The following GSS variants were observed in gnomAD, a reference collection of about 807,000 sequenced individuals.
The protein encoded by GSS is GSH synthetase.
In GSS, 34 loss-of-function variants were observed where a neutral mutation model predicts 60.4. The ratio of observed to expected loss-of-function variants is 0.56; its 90% CI spans 0.43 to 0.75. GSS has a LOEUF of 0.75. GSS is among the 30% of genes least tolerant of loss of function. GSS has a pLI of 0.00. For synonymous variants in GSS, 224 were observed against 239.0 expected, an observed-to-expected ratio of 0.94 and a Z score of 0.58; for missense variants, 499 against 595.1, an observed-to-expected ratio of 0.84 and a Z score of 1.68.
Position 34,951,714 on chromosome 20 carries a change from A to C in GSS, c.129+10T>G, listed in dbSNP as rs1356493998. On this transcript the variant is annotated intron_variant, in intron 2 of 12. Transcript: ENST00000651619. ...ATGGTGAATGCTGTGGGGAGGAGCT[A>C]GGGGCTTACCTCCGAGGAAGTGGGC... 1 of 1,599,654 alleles carries C rather than the reference A, an allele frequency of 6.3e-7. No homozygotes were observed. Among genetic ancestry groups the C allele is most frequent in the Admixed American group, 1.7e-5 (1 of 58,132 alleles).
Position 34,942,598 on chromosome 20 carries a change from G to A in GSS, c.381C>T (p.Asp127=). ...CATCTGCGCTGCGCTGGAACATGTAGTCTGAGCGATTCAGGCCCAGGAACA... is the reference window on the plus strand; with the variant it reads ...CATCTGCGCTGCGCTGGAACATGTAATCTGAGCGATTCAGGCCCAGGAACA... ...QTVFLGLNRS[D]YMFQRSADGS... is the part of the protein sequence containing the mutation. Residue 127 remains aspartate, a synonymous_variant, in exon 5 of 13, where the codon GAC becomes GAT. Transcript: ENST00000651619. The A allele has an allele frequency of 6.2e-7, 1 of 1,614,078 alleles. No homozygotes were observed. The highest frequency in any genetic ancestry group is 8.5e-7 in the Non-Finnish European group (1 of 1,179,954).
chr20:34,931,587 T>C (rs1600378357), intron 10 of GSS, 170 bp from the exon 11 acceptor site: 1 of 694,608 alleles, frequency 1.4e-6, no homozygotes, highest in African/African-American at 1.8e-5. Flanking sequence ...ACAAACCCCC[T>C]GCAGCAGCCG....
At position 34,929,099 on chromosome 20, in the gene GSS, CCTT is replaced by C. The variant is rs540626003; in HGVS notation, c.1302-151_1302-149del. On this transcript the variant is annotated intron_variant, in intron 12 of 12. Coordinates refer to ENST00000651619, the MANE Select transcript of GSS (RefSeq NM_000178.4). ...GAGTCTCTATGCCTCTCTGGAGTCTCCTTCTAGTCCTAGGTTGTCAAACCATGT... is the reference window on the plus strand; with the variant it reads ...GAGTCTCTATGCCTCTCTGGAGTCTCCTAGTCCTAGGTTGTCAAACCATGT... The C allele has an allele frequency of 1.7e-4, 156 of 927,904 alleles. No individual in the cohort carries two copies. In the African/African-American group the frequency reaches 2.0e-3, roughly 12 times the overall value. The allele number at this position is 927,904 out of a possible 1,614,324, so 57.5% of individuals were successfully genotyped here. A position where few individuals can be genotyped will look rare whatever the true frequency, so the allele number is the denominator to read the frequency against.
At chr20:34,945,379 T>G (rs1416113368) in intron 3 of GSS, among the ~76,000 whole-genome samples, 1 of 108,716 alleles carries the variant, frequency 9.2e-6, no homozygotes, top group African/African-American at 4.4e-5. Flanking sequence ...CCCCAGAATC[T>G]GAAGAAAAAA....
At chr20:34,939,673 GT>G (rs554476299) in intron 6 of GSS, among the ~76,000 whole-genome samples, 84 of 138,112 alleles carry the variant, frequency 6.1e-4, no homozygotes, top group Middle Eastern at 3.7e-3. Context: ...TTTGTTTTTT[GT>G]TTTTTTTTTT....
chr20:34,941,139 G>A (rs1240937303), intron 6 of GSS, among the ~76,000 whole-genome samples: 8 of 152,106 alleles, frequency 5.3e-5, no homozygotes, highest in Admixed American at 4.6e-4. Context: ...GGCGGATCAC[G>A]AGGTCAGGAG....
chr20:34,951,990 AG>A, intron 1 of GSS, 130 bp from the exon 2 acceptor site: 1 of 864,640 alleles, frequency 1.2e-6, no homozygotes, highest in Non-Finnish European at 1.9e-6. Flanking sequence ...CGTGGTATAC[AG>A]GAGTGAACAC....
At chr20:34,944,291 T>TG (rs2147130940) in intron 3 of GSS, among the ~76,000 whole-genome samples, 1 of 152,322 alleles carries the variant, frequency 6.6e-6, no homozygotes, top group South Asian at 2.1e-4. Context: ...GTTGCAAAGA[T>TG]GAGCTGCAAG....
chr20:34,938,441 T>C (rs574745266), intron 6 of GSS, among the ~76,000 whole-genome samples: 1 of 152,290 alleles, frequency 6.6e-6, no homozygotes, highest in South Asian at 2.1e-4. Flanking sequence ...TTAAGCTGAG[T>C]CTTGGCTTTG....
intron 11 of GSS, among the ~76,000 whole-genome samples, chr20:34,930,202 G>A (rs1378255862): frequency 6.6e-6 from 1 of 150,982 alleles, no homozygotes; most frequent in Non-Finnish European, 1.5e-5. Context: ...GGAGGCAGTG[G>A]TTGCAGTGAG....
chr20:34,930,100 T>C (rs1444151123), intron 11 of GSS, among the ~76,000 whole-genome samples: 1 of 152,008 alleles, frequency 6.6e-6, no homozygotes, highest in Non-Finnish European at 1.5e-5. Flanking sequence ...ACCCCATCTC[T>C]ACTAAAAATA....
At chr20:34,950,726 GC>G (rs1482067843) in intron 2 of GSS, among the ~76,000 whole-genome samples, 5 of 152,108 alleles carry the variant, frequency 3.3e-5, no homozygotes, top group Admixed American at 2.0e-4. Context: ...CCAAGATTGT[GC>G]CACTACACTC....
Position 34,946,101 on chromosome 20 carries a change from G to A in GSS, c.130-3C>T, listed in dbSNP as rs754787025. The A allele has an allele frequency of 6.2e-7, 1 of 1,607,602 alleles. No individual in the cohort carries two copies. The highest frequency in any genetic ancestry group is 1.1e-5 in the South Asian group (1 of 90,932). On this transcript the variant is annotated splice_polypyrimidine_tract_variant and splice_region_variant and intron_variant, in intron 2 of 12. Transcript: ENST00000651619. The stretch of plus-strand genomic sequence containing the variant: ...GTGAATGGGGCATAGCTCACCACCT[G>A]TGATCAAGAAGAGAGAATGGGACAG...
At chr20:34,931,877 T>C in intron 10 of GSS, 62 bp downstream of exon 10, 7 of 1,455,824 alleles carry the variant, frequency 4.8e-6, no homozygotes, top group East Asian at 4.5e-5. Flanking sequence ...CCCCAACACA[T>C]TGGGCTGTAG....
chr20:34,931,213 C>G, intron 11 of GSS, 123 bp downstream of exon 11: 1 of 800,424 alleles, frequency 1.2e-6, no homozygotes, highest in Admixed American at 1.9e-5. Flanking sequence ...AACATGTGGC[C>G]TGTGTCAGTT....
At chr20:34,932,340 G>A (rs982268076) in intron 9 of GSS, among the ~76,000 whole-genome samples, 2 of 152,108 alleles carry the variant, frequency 1.3e-5, no homozygotes, top group African/African-American at 2.4e-5. Flanking sequence ...GCAAAGGCAA[G>A]AATCCCCCAA....
At chr20:34,953,577 C>T (rs1046131965) in intron 1 of GSS, among the ~76,000 whole-genome samples, 2 of 149,510 alleles carry the variant, frequency 1.3e-5, no homozygotes, top group African/African-American at 2.5e-5. Context: ...TCCTTCCTTC[C>T]TTCTTTTTCT....
At chr20:34,929,106 G>A (rs1425857129) in intron 12 of GSS, 155 bp from the exon 13 acceptor site, 1 of 883,654 alleles carries the variant, frequency 1.1e-6, no homozygotes, top group South Asian at 1.4e-5. Flanking sequence ...TCTCCTTCTA[G>A]TCCTAGGTTG....
Position 34,928,709 on chromosome 20 carries a change from G to A in GSS, c.*119C>T. 1.8e-6 allele frequency: 2 copies of A among 1,119,264 alleles called. No homozygotes were observed. Among genetic ancestry groups the A allele is most frequent in the Non-Finnish European group, 2.7e-6 (2 of 750,436 alleles). The allele number at this position is 1,119,264 out of a possible 1,614,324, so 69.3% of individuals were successfully genotyped here. Reference sequence around the variant, plus strand: ...TCCTCAGATGGAAAGCTGGGGGAAGGTACCAGTATTTACCCTTCCATAAAA... The same window carrying A: ...TCCTCAGATGGAAAGCTGGGGGAAGATACCAGTATTTACCCTTCCATAAAA... On this transcript the variant is annotated 3_prime_UTR_variant, in exon 13 of 13. Transcript: ENST00000651619.
Sources: gnomAD v4.1 joint callset for allele counts (sites outside exome capture counted in the v4.1 genomes callset) on GRCh38, gnomAD v4.1.1 for gene constraint, MANE v1.5 for transcripts, NCBI Gene and HGNC (gene_info 2026-07-23, HGNC 2026-07-21) for gene names.